The following NBAS variants were observed in gnomAD, a reference collection of about 807,000 sequenced individuals.
NBAS encodes NAG/BC035112 fusion.
NBAS carries 219 observed loss-of-function variants against 302.5 expected under a neutral mutation model. That is an observed-to-expected ratio of 0.72 (90% CI 0.65 to 0.81). The LOEUF (loss-of-function observed/expected upper bound fraction) is 0.81, where lower values mean the gene tolerates loss of function less well. Ranked by LOEUF, NBAS falls within the 30% of genes least tolerant of loss-of-function variation. NBAS has a pLI of 0.00. For synonymous variants in NBAS, 1,118 were observed against 1,021.6 expected, an observed-to-expected ratio of 1.09 and a Z score of -1.80; for missense variants, 2,932 against 2,841.6, an observed-to-expected ratio of 1.03 and a Z score of -0.72.
At chr2:15,262,489 T>C (rs1027935243) in intron 44 of NBAS, among the ~76,000 whole-genome samples, 2 of 152,216 alleles carry the variant, frequency 1.3e-5, no homozygotes, top group Non-Finnish European at 2.9e-5. Context: ...TTCCTCATTA[T>C]ACAAAGGCAA....
chr2:15,426,956 T>C (rs921163027), intron 22 of NBAS, among the ~76,000 whole-genome samples: 3 of 152,098 alleles, frequency 2.0e-5, no homozygotes, highest in Admixed American at 2.0e-4. Flanking sequence ...AACTTCTACT[T>C]GGGGAATATG....
intron 40 of NBAS, among the ~76,000 whole-genome samples, chr2:15,293,938 A>G (rs1028777859): frequency 9.8e-5 from 15 of 152,286 alleles, no homozygotes; most frequent in African/African-American, 3.6e-4. Context: ...CTATGCATAC[A>G]CTGAGTCCTA....
the NBAS span, among the ~76,000 whole-genome samples, chr2:15,106,773 A>G: frequency 5.9e-5 from 9 of 152,154 alleles, no homozygotes; most frequent in South Asian, 4.1e-4. Flanking sequence ...TCTGGCAGGT[A>G]GAGGGAGCAT....
the NBAS span, among the ~76,000 whole-genome samples, chr2:14,784,981 C>T: frequency 2.0e-5 from 3 of 152,112 alleles, no homozygotes; most frequent in Admixed American, 2.0e-4. Context: ...TCTTTGTATC[C>T]TCTTTTATTT....
At chr2:15,341,081 T>C (rs921910738) in intron 35 of NBAS, among the ~76,000 whole-genome samples, 3 of 152,134 alleles carry the variant, frequency 2.0e-5, no homozygotes, top group Non-Finnish European at 2.9e-5. Flanking sequence ...ATTATGGTAT[T>C]TCCTTAAAAG....
At chr2:15,529,688 A>G (rs971745310) in intron 9 of NBAS, among the ~76,000 whole-genome samples, 1 of 152,190 alleles carries the variant, frequency 6.6e-6, no homozygotes, top group Non-Finnish European at 1.5e-5. Context: ...AGGCTTGGCA[A>G]AATTTCACAA....
intron 48 of NBAS, among the ~76,000 whole-genome samples, chr2:15,216,722 A>G (rs1666670308): frequency 6.6e-6 from 1 of 152,198 alleles, no homozygotes; most frequent in South Asian, 2.1e-4. Flanking sequence ...CAAATATTGA[A>G]GTGTATGTTC....
the NBAS span, among the ~76,000 whole-genome samples, chr2:15,036,332 G>C: frequency 9.8e-5 from 15 of 152,300 alleles, no homozygotes; most frequent in African/African-American, 3.4e-4. Context: ...TGCTGTGCTA[G>C]AAGGTGTACT....
At chr2:14,949,339 G>A in the NBAS span, among the ~76,000 whole-genome samples, 6 of 152,140 alleles carry the variant, frequency 3.9e-5, no homozygotes, top group East Asian at 1.9e-4. Flanking sequence ...GACTGCCCAC[G>A]TGATAAGTGA....
the NBAS span, among the ~76,000 whole-genome samples, chr2:14,860,635 T>C: frequency 1.3e-5 from 2 of 152,094 alleles, no homozygotes; most frequent in Admixed American, 6.6e-5. Context: ...CAAAAGTGAA[T>C]CTCATGAAGA....
the NBAS span, among the ~76,000 whole-genome samples, chr2:14,954,502 G>T: frequency 6.6e-6 from 1 of 152,150 alleles, no homozygotes; most frequent in Non-Finnish European, 1.5e-5. Context: ...GTGAGAAATG[G>T]AATCTTGATA....
intron 23 of NBAS, 150 bp from the exon 24 acceptor site, chr2:15,417,862 A>G: frequency 1.4e-6 from 1 of 720,728 alleles, no homozygotes; most frequent in Non-Finnish European, 2.3e-6. Flanking sequence ...TACTGCAAAA[A>G]CATCAGAGTC....
intron 44 of NBAS, among the ~76,000 whole-genome samples, chr2:15,266,609 A>G (rs1669087110): frequency 6.6e-6 from 1 of 152,240 alleles, no homozygotes; most frequent in Non-Finnish European, 1.5e-5. Context: ...GAAAATATGT[A>G]ATAATGAAAA....
chr2:15,274,743 T>C (rs1176873925), intron 44 of NBAS, among the ~76,000 whole-genome samples: 3 of 152,112 alleles, frequency 2.0e-5, no homozygotes, highest in Non-Finnish European at 2.9e-5. Flanking sequence ...TACTGCATGA[T>C]ATGAATAACA....
At position 15,232,412 on chromosome 2, in the gene NBAS, C is replaced by A. The variant is rs764677216; in HGVS notation, c.6236+10G>T. 3 of 1,612,636 alleles carry A rather than the reference C, an allele frequency of 1.9e-6. No homozygotes were observed. The highest frequency in any genetic ancestry group is 1.7e-6 in the Non-Finnish European group (2 of 1,178,904). The stretch of plus-strand genomic sequence containing the variant: ...AGTTAATGAAGATGCACATACTGTT[C>A]TAGTCTTACCCCTTGTCCACACTGG... On this transcript the variant is annotated intron_variant, in intron 47 of 51. Coordinates refer to ENST00000281513, the MANE Select transcript of NBAS (RefSeq NM_015909.4).
At chr2:15,285,875 A>G (rs1014088666) in intron 42 of NBAS, among the ~76,000 whole-genome samples, 5 of 152,080 alleles carry the variant, frequency 3.3e-5, no homozygotes, top group African/African-American at 1.2e-4. Context: ...GGCTGGTCTC[A>G]AACTCCTGAC....
At chr2:15,231,549 G>C (rs894124651) in intron 47 of NBAS, among the ~76,000 whole-genome samples, 1 of 152,098 alleles carries the variant, frequency 6.6e-6, no homozygotes, top group Admixed American at 6.5e-5. Context: ...ATATACAGCC[G>C]TTAGAAATAA....
At chr2:15,173,491 G>A (rs1664392796) in intron 51 of NBAS, among the ~76,000 whole-genome samples, 1 of 152,166 alleles carries the variant, frequency 6.6e-6, no homozygotes, top group Admixed American at 6.5e-5. Flanking sequence ...ACTAATAAAA[G>A]TTATTAAAAT....
At chr2:15,543,523 A>G (rs1487093597) in intron 6 of NBAS, among the ~76,000 whole-genome samples, 1 of 152,096 alleles carries the variant, frequency 6.6e-6, no homozygotes, top group Non-Finnish European at 1.5e-5. Flanking sequence ...TACAAAAGAA[A>G]GAGGTTTAAT....
Sources: gnomAD v4.1 joint callset for allele counts (sites outside exome capture counted in the v4.1 genomes callset) on GRCh38, gnomAD v4.1.1 for gene constraint, MANE v1.5 for transcripts, NCBI Gene and HGNC (gene_info 2026-07-23, HGNC 2026-07-21) for gene names.